The following SLC39A10 variants were observed in gnomAD, a reference collection of about 807,000 sequenced individuals.
SLC39A10 encodes the protein solute carrier family 39 member 10, also known as zinc transporter ZIP10.
In SLC39A10, 13 loss-of-function variants were observed where a neutral mutation model predicts 65.1. The observed-to-expected ratio is 0.20, with a 90% CI of 0.13 to 0.32. The LOEUF (loss-of-function observed/expected upper bound fraction) is 0.32. SLC39A10 is among the 10% of genes least tolerant of loss of function. The probability of loss-of-function intolerance (pLI) is 1.00; values close to 1 mark genes in which losing one functional copy is unlikely to be tolerated. For missense variants in SLC39A10, 831 were observed against 1,018.4 expected (o/e 0.82, Z 2.50); for synonymous variants, 321 against 342.2 (o/e 0.94, Z 0.68).
intron 1 of SLC39A10, among the ~76,000 whole-genome samples, chr2:195,669,970 C>T (rs1051243963): frequency 3.9e-5 from 6 of 152,144 alleles, no homozygotes; most frequent in African/African-American, 1.4e-4. Flanking sequence ...ACCATCCTGG[C>T]CAACATGGAG....
intron 2 of SLC39A10, among the ~76,000 whole-genome samples, chr2:195,646,524 C>T (rs1046831233): frequency 1.3e-5 from 2 of 152,336 alleles, no homozygotes; most frequent in Non-Finnish European, 2.9e-5. Context: ...AGCAGGGCCA[C>T]GTTTCTTCTG....
At chr2:195,733,571 C>G (rs1292568815) in intron 9 of SLC39A10, among the ~76,000 whole-genome samples, 1 of 151,844 alleles carries the variant, frequency 6.6e-6, no homozygotes, top group East Asian at 1.9e-4. Context: ...GCTCTTGTTG[C>G]CCAGGACGGA....
At chr2:195,672,285 C>T (rs777338415) in intron 1 of SLC39A10, among the ~76,000 whole-genome samples, 6 of 152,154 alleles carry the variant, frequency 3.9e-5, no homozygotes, top group Non-Finnish European at 7.4e-5. Context: ...CATACACCAC[C>T]ACACCAGCTA....
At chr2:195,644,887 C>CTT (rs765783190) in intron 2 of SLC39A10, among the ~76,000 whole-genome samples, 23,809 of 90,834 alleles carry the variant, frequency 0.26, 2,081 homozygotes, top group East Asian at 0.38. Context: ...ACCAATCTAA[C>CTT]TACTTTATTT....
At chr2:195,669,529 A>G (rs955633740) in intron 1 of SLC39A10, among the ~76,000 whole-genome samples, 2 of 152,230 alleles carry the variant, frequency 1.3e-5, no homozygotes, top group Non-Finnish European at 1.5e-5. Context: ...ATGTTCATCT[A>G]TATGAAATAA....
intron 1 of SLC39A10, chr2:195,674,696 C>T (rs1690013699): frequency 1.0e-6 from 1 of 955,954 alleles, no homozygotes. Context: ...TTCTGAGGTG[C>T]AGGCTTAGGT....
Position 195,709,733 on chromosome 2 carries a change from T to C in SLC39A10, c.1575+889T>C, listed in dbSNP as rs186211101. Among the ~76,000 whole-genome samples the C allele has an allele frequency of 5.9e-5, 9 of 152,296 alleles. No homozygotes were observed. In the South Asian group the frequency reaches 1.0e-3, roughly 18 times the overall value. ...TTTATTTTGGCATTTATAATCAAGA[T>C]ACAGCAGTCTCAGTTTCAGTTATTT... On this transcript the variant is annotated intron_variant, in intron 5 of 9. Coordinates refer to ENST00000359634, the MANE Select transcript of SLC39A10 (RefSeq NM_020342.3).
chr2:195,625,389 C>T (rs1438911303), intron 2 of SLC39A10, among the ~76,000 whole-genome samples: 2 of 151,594 alleles, frequency 1.3e-5, no homozygotes, highest in African/African-American at 4.8e-5. Flanking sequence ...GATTCTCCTG[C>T]CTCAGTCTCC....
At chr2:195,626,846 A>G (rs576210517) in intron 2 of SLC39A10, among the ~76,000 whole-genome samples, 63 of 152,324 alleles carry the variant, frequency 4.1e-4, no homozygotes, top group African/African-American at 1.4e-3. Flanking sequence ...TGATTTTTCT[A>G]TATAGAGTTC....
rs187580825 is a variant in SLC39A10, at chr2:195,619,304, A to G, written c.-12+13071A>G. ...TTAAACTCAGCAGGACTTGGAAACC[A>G]ATTAGCTATAGGTAGTAAAAGAGAA... On this transcript the variant is annotated intron_variant, in intron 2 of 2. Coordinates refer to the SLC39A10 transcript ENST00000458054. 2.0e-5 allele frequency among the ~76,000 whole-genome samples: 3 copies of G among 152,300 alleles called. No homozygotes were observed. In the East Asian group the frequency reaches 5.8e-4, roughly 29 times the overall value.
chr2:195,643,172 A>G (rs1480373974), intron 2 of SLC39A10, among the ~76,000 whole-genome samples: 6 of 152,228 alleles, frequency 3.9e-5, no homozygotes, highest in Non-Finnish European at 8.8e-5. Context: ...GAGAAAGTAA[A>G]TAGAGTACCA....
At chr2:195,697,368 G>C (rs1691006549) in intron 3 of SLC39A10, among the ~76,000 whole-genome samples, 1 of 151,990 alleles carries the variant, frequency 6.6e-6, no homozygotes, top group African/African-American at 2.4e-5. Context: ...TGAACATGGG[G>C]TATGTTTTCA....
intron 3 of SLC39A10, among the ~76,000 whole-genome samples, chr2:195,702,481 A>G (rs571258654): frequency 5.0e-4 from 76 of 152,308 alleles, no homozygotes; most frequent in African/African-American, 1.8e-3. Flanking sequence ...TCAATAGACT[A>G]CAGAGTTCCA....
rs146730504 is a variant in SLC39A10 at position 195,737,111 on chromosome 2, T to TTATC, written c.*2072_*2075dup. The TTATC allele has an allele frequency of 0.018, 2,813 of 152,684 alleles. 208 individuals are homozygous for TTATC. The East Asian group carries it at 0.24, about 13-fold the overall frequency. The allele number at this position is 152,684 out of a possible 1,614,324, so 9.5% of individuals were successfully genotyped here. On this transcript the variant is annotated 3_prime_UTR_variant, in exon 10 of 10. Transcript: ENST00000359634. ...GTTTTATATTCTCTCAAAAATGGTA[T>TTATC]TATCTTTCTTTATTTGCTAGATTCT...
chr2:195,632,394 G>A (rs963912589), intron 2 of SLC39A10, among the ~76,000 whole-genome samples: 5 of 146,480 alleles, frequency 3.4e-5, no homozygotes, highest in Non-Finnish European at 7.4e-5. Context: ...CCTCGTCCCG[G>A]GTTCAAGTGA....
At chr2:195,675,429 A>G (rs1690042686) in intron 1 of SLC39A10, among the ~76,000 whole-genome samples, 1 of 152,148 alleles carries the variant, frequency 6.6e-6, no homozygotes, top group Admixed American at 6.5e-5. Flanking sequence ...CATTTACAAT[A>G]TTGTAATAAG....
intron 3 of SLC39A10, among the ~76,000 whole-genome samples, chr2:195,691,232 T>C (rs1468948911): frequency 6.6e-6 from 1 of 152,170 alleles, no homozygotes; most frequent in Non-Finnish European, 1.5e-5. Context: ...TGTGTATCTA[T>C]ATATATACCA....
chr2:195,725,411 A>G (rs1168694965), intron 8 of SLC39A10, among the ~76,000 whole-genome samples: 1 of 152,188 alleles, frequency 6.6e-6, no homozygotes, highest in Non-Finnish European at 1.5e-5. Context: ...GCCCAACAAA[A>G]TAAAATAGAC....
Position 195,683,869 on chromosome 2 carries a change from C to T in SLC39A10, c.1179C>T (p.Asn393=), listed in dbSNP as rs201072856. The T allele has an allele frequency of 5.6e-6, 9 of 1,612,724 alleles. No individual in the cohort carries two copies. Among genetic ancestry groups the T allele is most frequent in the Non-Finnish European group, 5.9e-6 (7 of 1,179,252 alleles). ...TTGAAGATATAAATAAGGATAAAAA[C>T]CTGGTTCCTGAAGATGAGGCAAATA... ...LLVEDINKDK[N]LVPEDEANIG... Residue 393 remains asparagine (N), a synonymous_variant, in exon 3 of 10, where the codon AAC becomes AAT. Coordinates refer to ENST00000359634, the MANE Select transcript of SLC39A10 (RefSeq NM_020342.3).
Sources: gnomAD v4.1 joint callset for allele counts (sites outside exome capture counted in the v4.1 genomes callset) on GRCh38, gnomAD v4.1.1 for gene constraint, MANE v1.5 for transcripts, NCBI Gene and HGNC (gene_info 2026-07-23, HGNC 2026-07-21) for gene names.